The following FAT1 variants were observed in gnomAD, a reference collection of about 807,000 sequenced individuals.
FAT1 encodes the protein protocadherin Fat 1.
In FAT1, 171 loss-of-function variants were observed where a neutral mutation model predicts 329.8. The ratio of observed to expected loss-of-function variants is 0.52; its 90% confidence interval spans 0.46 to 0.59. FAT1 has a LOEUF of 0.59. Ranked by LOEUF, FAT1 falls within the 20% of genes least tolerant of loss-of-function variation. FAT1 has a pLI of 0.00. For missense variants in FAT1, 5,672 were observed against 5,774.4 expected, an observed-to-expected ratio of 0.98 and a Z score of 0.57; for synonymous variants, 2,233 against 2,228.6, an observed-to-expected ratio of 1.00 and a Z score of -0.06.
intron 2 of FAT1, among the ~76,000 whole-genome samples, chr4:186,688,252 A>G (rs548075554): frequency 6.6e-5 from 10 of 152,216 alleles, no homozygotes; most frequent in Non-Finnish European, 1.3e-4. Context: ...ACCCACAGAG[A>G]TATGGCAAGA....
Position 186,706,594 on chromosome 4 carries a change from G to C in FAT1, c.3234C>G (p.Gly1078=). Residue 1078 remains glycine, a synonymous_variant, in exon 2 of 27, where the codon GGC becomes GGG. Coordinates refer to ENST00000441802, the MANE Select transcript of FAT1 (RefSeq NM_005245.4). ...CTTCACCTATTTTGAAAACACCAAC[G>C]CCAGAGCCATCTCTAATGGAGTATC... is the stretch of plus-strand genomic sequence containing the variant. ...EIRYSIRDGS[G]VGVFKIGEET... 6.2e-7 allele frequency: 1 copy of C among 1,611,914 alleles called. No homozygotes were observed. Among genetic ancestry groups the C allele is most frequent in the Non-Finnish European group, 8.5e-7 (1 of 1,178,534 alleles).
At chr4:186,700,824 C>A (rs1034753922) in intron 2 of FAT1, among the ~76,000 whole-genome samples, 5 of 152,208 alleles carry the variant, frequency 3.3e-5, no homozygotes, top group African/African-American at 1.2e-4. Context: ...ATGCCGGGCC[C>A]AGTGCCCGGC....
In FAT1 at chr4:186,613,292, G is replaced by A. The variant is rs2126475967; in HGVS notation, c.9280C>T (p.His3094Tyr). The A allele has an allele frequency of 6.2e-7, 1 of 1,614,018 alleles. No individual in the cohort carries two copies. Among genetic ancestry groups the A allele is most frequent in the Non-Finnish European group, 8.5e-7 (1 of 1,179,886 alleles). Residue 3094 changes from histidine (H) to tyrosine (Y), a missense_variant, in exon 13 of 27, where the codon CAT becomes TAT. This residue lies in a region of FAT1 where 3,966 missense variants were observed against 3,915.2 expected (regional missense o/e 1.01). Coordinates refer to ENST00000441802, the MANE Select transcript of FAT1 (RefSeq NM_005245.4). The stretch of plus-strand genomic sequence containing the variant: ...CCATCTGTGGCCCTGACGAGAAGAT[G>A]ATAAACAGCTTGCTCCTCACGATCA... ...PLDREEQAVY[H>Y]LLVRATDGGG...
intron 16 of FAT1, 84 bp from the exon 17 acceptor site, chr4:186,606,297 ACGGG>A: frequency 2.7e-6 from 4 of 1,505,116 alleles, no homozygotes; most frequent in African/African-American, 1.4e-5. Context: ...GAGAGTCCTG[ACGGG>A]CAGGTCCCAG....
Position 186,596,331 on chromosome 4 carries a change from T to A in FAT1, c.13000+209A>T, listed in dbSNP as rs1406602146. 6.6e-6 allele frequency among the ~76,000 whole-genome samples: 1 copy of A among 152,324 alleles called. No individual in the cohort carries two copies. Among genetic ancestry groups the A allele is most frequent in the East Asian group, 1.9e-4 (1 of 5,186 alleles). Reference sequence around the variant, plus strand: ...CTCCAGAATATTAACTAAACATGACTAGATTCAATTTCTTAATTAAAATAA... The same window carrying A: ...CTCCAGAATATTAACTAAACATGACAAGATTCAATTTCTTAATTAAAATAA... On this transcript the variant is annotated intron_variant, in intron 25 of 26. Coordinates refer to ENST00000441802, the MANE Select transcript of FAT1 (RefSeq NM_005245.4). The surrounding 1 kb of genome is among the most constrained non-coding windows in gnomAD (Gnocchi z 4.7).
chr4:186,593,221 G>T (rs1199060077), intron 26 of FAT1, among the ~76,000 whole-genome samples: 1 of 152,132 alleles, frequency 6.6e-6, no homozygotes, highest in Non-Finnish European at 1.5e-5. Context: ...GAATGTTTTT[G>T]TCCCTGTTCT....
chr4:186,623,181 G>A (rs66941620), intron 9 of FAT1, among the ~76,000 whole-genome samples: 23,705 of 152,238 alleles, frequency 0.16, 2,097 homozygotes, highest in East Asian at 0.39. Context: ...GGAGGCCCAG[G>A]GTTTCTCTAG....
intron 17 of FAT1, among the ~76,000 whole-genome samples, chr4:186,605,797 A>T (rs1579306924): frequency 6.6e-6 from 1 of 152,162 alleles, no homozygotes; most frequent in South Asian, 2.1e-4. Context: ...GCAGAGGAAA[A>T]GCACCAGTGG....
rs1560962374 is a variant in FAT1, at chr4:186,645,393, AT to A, written c.3581-5611del. On this transcript the variant is annotated intron_variant, in intron 3 of 26. Coordinates refer to ENST00000441802, the MANE Select transcript of FAT1 (RefSeq NM_005245.4). ...TATATATATATATATATATATATATATATATATATATATATATATATATATA... is the reference window on the plus strand; with the variant it reads ...TATATATATATATATATATATATATAATATATATATATATATATATATATA... 1.5e-3 allele frequency among the ~76,000 whole-genome samples: 160 copies of A among 106,062 alleles called. 13 individuals are homozygous for A. The East Asian group carries it at 0.02, about 13-fold the overall frequency. 69.6% of individuals were successfully genotyped at this position (106,062 alleles called of 152,430 possible).
At position 186,708,710 on chromosome 4, in the gene FAT1, C is replaced by T. The variant is rs2126698487; in HGVS notation, c.1118G>A (p.Arg373Lys). The change falls in exon 2 of 27, where the codon AGA (arginine) becomes AAA (lysine). Residue 373 changes from arginine (R) to lysine (K), a missense_variant. Physicochemically the swap from Arg to Lys is conservative, Grantham distance 26 (BLOSUM62 2). Around this residue, in one of 2 missense-constraint regions of FAT1, gnomAD observed 3,966 missense variants for 3,915.2 expected, o/e 1.01. Coordinates refer to ENST00000441802, the MANE Select transcript of FAT1 (RefSeq NM_005245.4). The part of the protein sequence containing the change: ...GPVKFEKDVY[R>K]AEISEFAPPN... Reference sequence around the variant, plus strand: ...AGGAGCAAATTCACTTATTTCTGCTCTGTAAACATCCTTTTCAAACTTGAC... The same window carrying T: ...AGGAGCAAATTCACTTATTTCTGCTTTGTAAACATCCTTTTCAAACTTGAC... The T allele has an allele frequency of 6.2e-7, 1 of 1,613,934 alleles. No homozygotes were observed. The highest frequency in any genetic ancestry group is 8.5e-7 in the Non-Finnish European group (1 of 1,179,890).
chr4:186,608,947 A>G (rs1739266414), intron 16 of FAT1, among the ~76,000 whole-genome samples: 1 of 152,210 alleles, frequency 6.6e-6, no homozygotes, highest in East Asian at 1.9e-4. Flanking sequence ...ACTGGAACCA[A>G]CAGTAATTCC....
chr4:186,692,319 A>ATTTTTT (rs769658294), intron 2 of FAT1, among the ~76,000 whole-genome samples: 1 of 150,660 alleles, frequency 6.6e-6, no homozygotes, highest in Non-Finnish European at 1.5e-5. Context: ...TTATTTATTT[A>ATTTTTT]TTTATTTTTT....
intron 17 of FAT1, 54 bp from the exon 18 acceptor site, chr4:186,604,628 T>C (rs1579304151): frequency 8.4e-7 from 1 of 1,197,480 alleles, no homozygotes; most frequent in Non-Finnish European, 1.2e-6. Flanking sequence ...CAGCCAAATC[T>C]ATATGGGACA....
Position 186,620,450 on chromosome 4 carries a change from C to A in FAT1, c.6136G>T (p.Ala2046Ser), listed in dbSNP as rs770056983. 6.2e-7 allele frequency: 1 copy of A among 1,614,030 alleles called. No homozygotes were observed. The highest frequency in any genetic ancestry group is 8.5e-7 in the Non-Finnish European group (1 of 1,179,904). The change falls in exon 10 of 27, where the codon GCG becomes TCG. Residue 2046 changes from alanine (A) to serine (S), a missense_variant. By Grantham distance (99) the Ala-to-Ser change is moderately conservative. Transcript: ENST00000441802. Reference sequence around the variant, plus strand: ...GTCACTTCTACAACCACATCAAACGCCTCCTGCTGCTCACGATCGAAGGGC... The same window carrying A: ...GTCACTTCTACAACCACATCAAACGACTCCTGCTGCTCACGATCGAAGGGC... ...GTPFDREQQEAFDVVVEVTEE... is the reference protein window; with the variant it reads ...GTPFDREQQESFDVVVEVTEE...
At chr4:186,679,394 G>A (rs1372920241) in intron 2 of FAT1, among the ~76,000 whole-genome samples, 1 of 141,828 alleles carries the variant, frequency 7.1e-6, no homozygotes, top group Non-Finnish European at 1.5e-5. Context: ...TCCAGCCTGG[G>A]TGACAGAGTG....
rs1375490507 is a variant in FAT1 at position 186,606,133 on chromosome 4, A to C, written c.10287T>G (p.Asp3429Glu). ...PRVNTTTVNI[D>E]VSDVNDNAPV... ...GCGCGTTGTCATTGACATCGGACAC[A>C]TCGATGTTCACGGTCGTCGTGTTGA... The change falls in exon 17 of 27, where the codon GAT (aspartate) becomes GAG (glutamate). Residue 3429 changes from aspartate to glutamate, a missense_variant. Coordinates refer to ENST00000441802, the MANE Select transcript of FAT1 (RefSeq NM_005245.4). 1 of 1,613,028 alleles carries C rather than the reference A, an allele frequency of 6.2e-7. No homozygotes were observed.
rs770057160 is a variant in FAT1, at chr4:186,621,410, C to T, written c.5176G>A (p.Asp1726Asn). 1 of 1,613,950 alleles carries T rather than the reference C, an allele frequency of 6.2e-7. No individual in the cohort carries two copies. The highest frequency in any genetic ancestry group is 8.5e-7 in the Non-Finnish European group (1 of 1,179,888). Residue 1726 changes from aspartate to asparagine, a missense_variant, in exon 10 of 27, where the codon GAC (aspartate) becomes AAC (asparagine). Transcript: ENST00000441802. Reference sequence around the variant, plus strand: ...GTGTAAATGGGCAAAGTTTCAAAGTCCAGGGCTTTCTGAGTGATGATAGTT... The same window carrying T: ...GTGTAAATGGGCAAAGTTTCAAAGTTCAGGGCTTTCTGAGTGATGATAGTT... ...SGTIITQKAL[D>N]FETLPIYTLI...
intron 11 of FAT1, among the ~76,000 whole-genome samples, 200 bp from the exon 12 acceptor site, chr4:186,614,544 A>G (rs756939326): frequency 6.6e-6 from 1 of 152,226 alleles, no homozygotes; most frequent in Non-Finnish European, 1.5e-5. Flanking sequence ...GCCGTGGAGC[A>G]GCCACCAGCT....
At chr4:186,650,181 C>T (rs775910772) in intron 3 of FAT1, among the ~76,000 whole-genome samples, 2 of 152,178 alleles carry the variant, frequency 1.3e-5, no homozygotes, top group Non-Finnish European at 2.9e-5. Flanking sequence ...GAGCAGGATG[C>T]CTCGGCTCTG....
Sources: gnomAD v4.1 joint callset for allele counts (sites outside exome capture counted in the v4.1 genomes callset) on GRCh38, gnomAD v4.1.1 for gene constraint, gnomAD v4.1.1 regional missense constraint, Gnocchi (gnomAD v3.1) non-coding constraint, MANE v1.5 for transcripts, NCBI Gene and HGNC (gene_info 2026-07-23, HGNC 2026-07-21) for gene names.